Variants in RUNX1T1 observed in about 807,000 individuals in gnomAD.
RUNX1T1 encodes the protein protein CBFA2T1.
In RUNX1T1, 4 loss-of-function variants were observed where a neutral mutation model predicts 62.8. The observed-to-expected ratio is 0.06, with a 90% CI of 0.03 to 0.15. The LOEUF (loss-of-function observed/expected upper bound fraction) is 0.15, where lower values mean the gene tolerates loss of function less well. RUNX1T1 is among the 10% of genes least tolerant of loss of function. The pLI is 1.00. For synonymous variants in RUNX1T1, 291 were observed against 286.0 expected, an observed-to-expected ratio of 1.02 and a Z score of -0.18; for missense variants, 508 against 754.3, an observed-to-expected ratio of 0.67 and a Z score of 3.82.
intron 10 of RUNX1T1, among the ~76,000 whole-genome samples, chr8:91,965,795 C>T (rs1365699334): frequency 6.6e-6 from 1 of 152,142 alleles, no homozygotes; most frequent in Non-Finnish European, 1.5e-5. Context: ...CGCATAGTCA[C>T]TACTCTAATT....
At chr8:91,970,043 T>TGTGTGTGTTGTGTGTGTGTGTG (rs11374252) in intron 10 of RUNX1T1, among the ~76,000 whole-genome samples, 1 of 142,716 alleles carries the variant, frequency 7.0e-6, no homozygotes, top group Non-Finnish European at 1.5e-5. Context: ...TGTGTGTGTG[T>TGTGTGTGTTGTGTGTGTGTGTG]TGTGTGTGTG....
intron 2 of RUNX1T1, among the ~76,000 whole-genome samples, 170 bp downstream of exon 2, chr8:92,075,795 C>T (rs1834331761): frequency 6.6e-6 from 1 of 152,090 alleles, no homozygotes; most frequent in South Asian, 2.1e-4. Flanking sequence ...CCCACCCAAT[C>T]CCCACACCCA....
intron 10 of RUNX1T1, among the ~76,000 whole-genome samples, chr8:91,962,279 AAG>A (rs1810641519): frequency 8.5e-5 from 13 of 152,238 alleles, no homozygotes; most frequent in Admixed American, 8.5e-4. Flanking sequence ...AGAAATAAAA[AAG>A]AAATTACAAT....
intron 1 of RUNX1T1, among the ~76,000 whole-genome samples, chr8:92,054,463 A>G (rs532083603): frequency 5.9e-5 from 9 of 152,310 alleles, no homozygotes; most frequent in South Asian, 2.1e-4. Context: ...TAACCTCTTT[A>G]TACAGGTACA....
At chr8:92,006,990 G>A (rs1370904290) in intron 4 of RUNX1T1, among the ~76,000 whole-genome samples, 1 of 151,930 alleles carries the variant, frequency 6.6e-6, no homozygotes, top group Non-Finnish European at 1.5e-5. Flanking sequence ...ACTTCCTACA[G>A]GATAACAATG....
intron 5 of RUNX1T1, chr8:92,003,336 T>G (rs1279320384): frequency 2.2e-6 from 1 of 456,222 alleles, no homozygotes; most frequent in Admixed American, 2.3e-5. Flanking sequence ...AAAGTCACAA[T>G]ACATTCAAAT....
intron 1 of RUNX1T1, among the ~76,000 whole-genome samples, chr8:92,088,623 T>A (rs1587578064): frequency 6.6e-6 from 1 of 152,242 alleles, no homozygotes; most frequent in East Asian, 1.9e-4. Flanking sequence ...TAGGCTCTGG[T>A]CTCCTCACTA....
chr8:92,045,184 A>G (rs1487066882), intron 1 of RUNX1T1, among the ~76,000 whole-genome samples: 4 of 152,178 alleles, frequency 2.6e-5, no homozygotes, highest in African/African-American at 7.2e-5. Flanking sequence ...CCAAGTGGGA[A>G]TTTATGCACC....
chr8:92,038,761 C>G (rs1361141443), intron 1 of RUNX1T1, among the ~76,000 whole-genome samples: 1 of 152,156 alleles, frequency 6.6e-6, no homozygotes, highest in Non-Finnish European at 1.5e-5. Context: ...ATGGGTCCTA[C>G]ATCTCTGCAA....
At chr8:91,968,208 T>G (rs1180735249) in intron 10 of RUNX1T1, among the ~76,000 whole-genome samples, 1 of 152,130 alleles carries the variant, frequency 6.6e-6, no homozygotes, top group Non-Finnish European at 1.5e-5. Flanking sequence ...GACGATCATC[T>G]GATCAGATGA....
At chr8:92,012,280 C>T (rs760768931) in intron 3 of RUNX1T1, among the ~76,000 whole-genome samples, 8 of 152,250 alleles carry the variant, frequency 5.3e-5, no homozygotes, top group African/African-American at 1.2e-4. Flanking sequence ...CAGTGGCTCA[C>T]GCCTGTAATC....
upstream of RUNX1T1, among the ~76,000 whole-genome samples, chr8:92,063,812 G>C (rs146418043): frequency 4.5e-3 from 686 of 152,230 alleles, 2 homozygotes; most frequent in Non-Finnish European, 5.6e-3. Context: ...TTCAACAACA[G>C]GGCACATGAT....
intron 1 of RUNX1T1, among the ~76,000 whole-genome samples, chr8:92,059,763 T>C (rs1226758049): frequency 6.6e-6 from 1 of 152,168 alleles, no homozygotes; most frequent in African/African-American, 2.4e-5. Context: ...ATTTATGAAA[T>C]GCACTCCAGG....
chr8:92,027,510 G>A (rs1825442056), intron 1 of RUNX1T1, among the ~76,000 whole-genome samples: 1 of 152,152 alleles, frequency 6.6e-6, no homozygotes, highest in Non-Finnish European at 1.5e-5. Context: ...TTTATATGCT[G>A]GGTTTCTACA....
chr8:91,963,903 G>A (rs911732347), intron 10 of RUNX1T1, among the ~76,000 whole-genome samples: 1 of 152,130 alleles, frequency 6.6e-6, no homozygotes, highest in Non-Finnish European at 1.5e-5. Flanking sequence ...GAAAGCTCAC[G>A]GATATCCATA....
chr8:91,982,329 G>T (rs1055202681), intron 8 of RUNX1T1, among the ~76,000 whole-genome samples: 1 of 150,392 alleles, frequency 6.6e-6, no homozygotes, highest in Non-Finnish European at 1.5e-5. Flanking sequence ...ACTACAGAAA[G>T]ATTCTAGAAT....
At chr8:92,095,600 G>A in intron 1 of RUNX1T1, 1 of 1,414,990 alleles carries the variant, frequency 7.1e-7, no homozygotes, top group Non-Finnish European at 9.2e-7. Context: ...CGGAGCGGGA[G>A]AGGGAGGAAA....
chr8:92,102,942 G>T (rs962910730), upstream of RUNX1T1: 570 of 1,499,312 alleles, frequency 3.8e-4, 1 homozygote, highest in Non-Finnish European at 4.3e-4. This position sits in a 1 kb window ranked among gnomAD's most constrained non-coding sequence, Gnocchi z 4.5. Flanking sequence ...GGCCCGCGGG[G>T]CGACGGGGCG....
downstream of RUNX1T1, chr8:91,955,764 T>C (rs1230906409): frequency 4.4e-6 from 1 of 225,432 alleles, no homozygotes; most frequent in Non-Finnish European, 8.8e-6. Context: ...GAATTTCTGC[T>C]ACAACACAGT....
Sources: gnomAD v4.1 joint callset for allele counts (sites outside exome capture counted in the v4.1 genomes callset) on GRCh38, gnomAD v4.1.1 for gene constraint, Gnocchi (gnomAD v3.1) non-coding constraint, MANE v1.5 for transcripts, NCBI Gene and HGNC (gene_info 2026-07-23, HGNC 2026-07-21) for gene names.